MS4A4E: variants seen among roughly 807,000 people sequenced by gnomAD.
MS4A4E encodes the protein membrane spanning 4-domains A4E, also known as putative membrane-spanning 4-domains subfamily A member 4E.
Under a neutral mutation model 13.3 loss-of-function variants are expected in MS4A4E, and 23 were observed. That is an observed-to-expected ratio of 1.73 (90% confidence interval 1.25 to 2.45). The LOEUF (loss-of-function observed/expected upper bound fraction) is 2.45. MS4A4E is among the 30% of genes most tolerant of loss of function. The pLI is 0.00. For missense variants in MS4A4E, 144 were observed against 131.2 expected, an observed-to-expected ratio of 1.10 and a Z score of -0.48; for synonymous variants, 36 against 45.6, an observed-to-expected ratio of 0.79 and a Z score of 0.85.
intron 3 of MS4A4E, among the ~76,000 whole-genome samples, chr11:60,220,998 G>A (rs536599101): frequency 6.6e-6 from 1 of 152,316 alleles, no homozygotes; most frequent in South Asian, 2.1e-4. Flanking sequence ...AGATCTAATT[G>A]TGCTTGAGGT....
At chr11:60,241,801 C>A (rs1468268751) in intron 1 of MS4A4E, among the ~76,000 whole-genome samples, 1 of 152,324 alleles carries the variant, frequency 6.6e-6, no homozygotes, top group Admixed American at 6.5e-5. Context: ...GGAGAAGAAT[C>A]TAAACCTTGG....
intron 2 of MS4A4E, 99 bp downstream of exon 2, chr11:60,229,813 G>A (rs2084385295): frequency 2.0e-5 from 24 of 1,212,658 alleles, no homozygotes; most frequent in South Asian, 6.0e-5. Flanking sequence ...GCTGGTTGAT[G>A]TATTATGAGG....
At chr11:60,231,544 A>G (rs903712873) in intron 1 of MS4A4E, among the ~76,000 whole-genome samples, 19 of 152,182 alleles carry the variant, frequency 1.2e-4, no homozygotes, top group African/African-American at 4.6e-4. Flanking sequence ...CAAAGATTGC[A>G]TAAGGATAAA....
chr11:60,200,602 TG>T lies in MS4A4E; in HGVS notation c.*940del, dbSNP rs2083974019. On this transcript the variant is annotated 3_prime_UTR_variant, in exon 9 of 9. Transcript: ENST00000651255. Reference sequence around the variant, plus strand: ...GCACATGTTTCAGAGAGCACAGGGTTGGGGGTAAGGTCACAGATCAACAGGA... The same window carrying T: ...GCACATGTTTCAGAGAGCACAGGGTTGGGGTAAGGTCACAGATCAACAGGA... Among the ~76,000 whole-genome samples the T allele has an allele frequency of 6.6e-6, 1 of 152,126 alleles. No individual in the cohort carries two copies. Among genetic ancestry groups the T allele is most frequent in the Non-Finnish European group, 1.5e-5 (1 of 68,012 alleles).
At chr11:60,227,265 C>T (rs1195671999) in intron 3 of MS4A4E, among the ~76,000 whole-genome samples, 1 of 152,106 alleles carries the variant, frequency 6.6e-6, no homozygotes, top group Non-Finnish European at 1.5e-5. Flanking sequence ...AAAATATTAG[C>T]AAATGGCCGG....
Position 60,201,563 on chromosome 11 carries a change from C to T in MS4A4E, c.976G>A (p.Ala326Thr), listed in dbSNP as rs543410624. The change falls in exon 9 of 9, where the codon GCC (alanine) becomes ACC (threonine). Residue 326 changes from alanine (A) to threonine (T), a missense_variant. Ala to Thr is a moderately conservative substitution (Grantham distance 58). Transcript: ENST00000651255. ...ACATCTCAGAAGATGGGCGGCCGGG[C>T]GGAGACACTCCTCACCTCCCAGATG... is the stretch of plus-strand genomic sequence containing the variant. ...HPIWEVRSVS[A>T]RPPIF The T allele has an allele frequency of 1.4e-4, 44 of 319,238 alleles. 1 individual carries two copies. The highest frequency in any genetic ancestry group is 6.4e-4 in the African/African-American group (28 of 43,438). 19.8% of individuals were successfully genotyped at this position (319,238 alleles called of 1,614,324 possible). A position where few individuals can be genotyped will look rare whatever the true frequency, so the allele number is the denominator to read the frequency against.
At chr11:60,228,084 C>T (rs779711346) in intron 3 of MS4A4E, among the ~76,000 whole-genome samples, 1 of 152,084 alleles carries the variant, frequency 6.6e-6, no homozygotes, top group African/African-American at 2.4e-5. Flanking sequence ...CATGAAATAC[C>T]GAATTAATCA....
intron 3 of MS4A4E, chr11:60,225,176 T>C: frequency 7.7e-7 from 1 of 1,295,326 alleles, no homozygotes; most frequent in Admixed American, 2.9e-5. Context: ...TAAGCTATCC[T>C]TATTCTTTTT....
At chr11:60,206,512 T>TGTATATATATATATACAC (rs1554983301) in intron 6 of MS4A4E, among the ~76,000 whole-genome samples, 1 of 98,346 alleles carries the variant, frequency 1.0e-5, no homozygotes, top group Non-Finnish European at 1.9e-5. Context: ...TATATATATA[T>TGTATATATATATATACAC]ACACACACAC....
intron 3 of MS4A4E, chr11:60,225,150 C>G (rs2084325500): frequency 2.1e-6 from 3 of 1,405,310 alleles, no homozygotes; most frequent in Non-Finnish European, 2.8e-6. Context: ...GCTTATGCCA[C>G]TCCCTTTCCA....
In MS4A4E at chr11:60,210,246, T is replaced by A. The variant is rs183234270; in HGVS notation, c.382-1552A>T. ...GACTTCCAAAAACATAGCATGTATA[T>A]AGACCTGTGGACTGATTGTGCAGGT... On this transcript the variant is annotated intron_variant, in intron 5 of 8. Transcript: ENST00000651255. Among the ~76,000 whole-genome samples, 203 of 152,354 alleles carry A rather than the reference T, an allele frequency of 1.3e-3. 1 individual carries two copies. The highest frequency in any genetic ancestry group is 4.7e-3 in the African/African-American group (197 of 41,576).
chr11:60,201,187 G>A lies in MS4A4E; in HGVS notation c.*356C>T, dbSNP rs1318830088. On this transcript the variant is annotated 3_prime_UTR_variant, in exon 9 of 9. Transcript: ENST00000651255. Reference sequence around the variant, plus strand: ...GGGCTCCTCACTTCCCAGTAGGGGCGGCTGGGCAGAGGCGCCCCTCACCTC... The same window carrying A: ...GGGCTCCTCACTTCCCAGTAGGGGCAGCTGGGCAGAGGCGCCCCTCACCTC... 1.6e-4 allele frequency: 23 copies of A among 141,470 alleles called. No individual in the cohort carries two copies. The highest frequency in any genetic ancestry group is 1.4e-4 in the Non-Finnish European group (9 of 63,944). The allele number at this position is 141,470 out of a possible 1,614,324, so 8.8% of individuals were successfully genotyped here. A position where few individuals can be genotyped will look rare whatever the true frequency, so the allele number is the denominator to read the frequency against.
At chr11:60,206,395 G>A (rs568603320) in intron 6 of MS4A4E, among the ~76,000 whole-genome samples, 4 of 147,722 alleles carry the variant, frequency 2.7e-5, no homozygotes, top group East Asian at 2.0e-4. Context: ...TAGTACTCTC[G>A]ATAAAGGGCC....
At chr11:60,241,839 G>C (rs2084556234) in intron 1 of MS4A4E, among the ~76,000 whole-genome samples, 1 of 152,236 alleles carries the variant, frequency 6.6e-6, no homozygotes, top group East Asian at 1.9e-4. Context: ...TATGCATCAG[G>C]TTCTTGACAA....
At chr11:60,209,626 G>A (rs2134921570) in intron 5 of MS4A4E, among the ~76,000 whole-genome samples, 1 of 152,226 alleles carries the variant, frequency 6.6e-6, no homozygotes, top group East Asian at 1.9e-4. Context: ...ACATCACGTA[G>A]GTCAGTCTTT....
intron 6 of MS4A4E, among the ~76,000 whole-genome samples, chr11:60,206,102 GA>G (rs2084037313): frequency 1.3e-5 from 2 of 152,212 alleles, no homozygotes; most frequent in Admixed American, 6.5e-5. Flanking sequence ...AAAGCAGAAG[GA>G]AAAGGATGGG....
Position 60,242,945 on chromosome 11 carries a change from T to C in MS4A4E, c.-17+13A>G. The C allele has an allele frequency of 1.3e-6, 2 of 1,564,078 alleles. No homozygotes were observed. Among genetic ancestry groups the C allele is most frequent in the Non-Finnish European group, 1.8e-6 (2 of 1,139,302 alleles). Reference sequence around the variant, plus strand: ...CAGTCCGAGAGCCTAGGAAGGCAAGTCCCTGGACCTACCTTTCTTCAGGCC... The same window carrying C: ...CAGTCCGAGAGCCTAGGAAGGCAAGCCCCTGGACCTACCTTTCTTCAGGCC... On this transcript the variant is annotated intron_variant, in intron 1 of 8. Coordinates refer to ENST00000651255, the MANE Select transcript of MS4A4E (RefSeq NM_001393391.1).
chr11:60,223,836 C>G (rs2084306204), intron 3 of MS4A4E, among the ~76,000 whole-genome samples: 1 of 149,598 alleles, frequency 6.7e-6, no homozygotes, highest in Non-Finnish European at 1.5e-5. Flanking sequence ...TACAGATGGC[C>G]TATTGTGGGA....
At chr11:60,239,994 G>A (rs1356452408) in intron 1 of MS4A4E, among the ~76,000 whole-genome samples, 1 of 152,110 alleles carries the variant, frequency 6.6e-6, no homozygotes, top group Non-Finnish European at 1.5e-5. Context: ...AAAGAGAAGA[G>A]GTAATTTTTA....
Sources: gnomAD v4.1 joint callset for allele counts (sites outside exome capture counted in the v4.1 genomes callset) on GRCh38, gnomAD v4.1.1 for gene constraint, MANE v1.5 for transcripts, NCBI Gene and HGNC (gene_info 2026-07-23, HGNC 2026-07-21) for gene names.